PRKG1: variants seen among roughly 807,000 people sequenced by gnomAD.
The protein encoded by PRKG1 is protein kinase cGMP-dependent 1.
In PRKG1, 35 loss-of-function variants were observed where a neutral mutation model predicts 88.1. The ratio of observed to expected loss-of-function variants is 0.40; its 90% CI spans 0.30 to 0.53. PRKG1 has a LOEUF of 0.53. Among genes scored for constraint, PRKG1 ranks in the 20% least tolerant of loss-of-function variants. PRKG1 has a pLI of 0.59. For missense variants in PRKG1, 540 were observed against 839.8 expected (o/e 0.64, Z 4.41); for synonymous variants, 303 against 292.5 (o/e 1.04, Z -0.37).
At chr10:51,306,369 G>A (rs537061879) in intron 2 of PRKG1, among the ~76,000 whole-genome samples, 3 of 152,242 alleles carry the variant, frequency 2.0e-5, no homozygotes, top group African/African-American at 7.2e-5. Context: ...ACCTATTTGA[G>A]ATTGATATGC....
At chr10:52,225,727 C>T (rs1840372196) in intron 9 of PRKG1, among the ~76,000 whole-genome samples, 1 of 152,124 alleles carries the variant, frequency 6.6e-6, no homozygotes, top group South Asian at 2.1e-4. Context: ...ATCCCAGCAC[C>T]ATTTGTTGAA....
At chr10:51,366,589 T>A (rs1353304307) in intron 2 of PRKG1, among the ~76,000 whole-genome samples, 1 of 151,966 alleles carries the variant, frequency 6.6e-6, no homozygotes, top group Admixed American at 6.6e-5. Flanking sequence ...ATCTCTCTGT[T>A]AAGTTAACAT....
chr10:51,273,984 C>A (rs1206737145), intron 2 of PRKG1, among the ~76,000 whole-genome samples: 2 of 152,212 alleles, frequency 1.3e-5, no homozygotes, highest in African/African-American at 4.8e-5. Context: ...CTCCAAGCCT[C>A]CATGAGCTTT....
At chr10:51,426,495 A>G (rs1838589729) in intron 2 of PRKG1, among the ~76,000 whole-genome samples, 1 of 152,178 alleles carries the variant, frequency 6.6e-6, no homozygotes, top group African/African-American at 2.4e-5. Flanking sequence ...ATTATATACT[A>G]TGGTGATAGA....
chr10:51,126,211 TTATTTATA>T (rs1463073885), intron 1 of PRKG1, among the ~76,000 whole-genome samples: 2 of 123,130 alleles, frequency 1.6e-5, no homozygotes, highest in African/African-American at 6.5e-5. Context: ...TTATTTATAA[TTATTTATA>T]TATTTATATA....
intron 2 of PRKG1, among the ~76,000 whole-genome samples, chr10:51,274,354 G>A (rs1840060051): frequency 6.6e-6 from 1 of 152,140 alleles, no homozygotes; most frequent in South Asian, 2.1e-4. Flanking sequence ...TCCACTGAAA[G>A]TTGCAATTTG....
intron 5 of PRKG1, among the ~76,000 whole-genome samples, chr10:52,008,465 A>G (rs1317873163): frequency 1.3e-5 from 2 of 152,162 alleles, no homozygotes; most frequent in African/African-American, 4.8e-5. Context: ...TCACAGAAAT[A>G]CAGAAGAACC....
chr10:51,766,704 T>A (rs1363859859), intron 3 of PRKG1, among the ~76,000 whole-genome samples: 2 of 152,074 alleles, frequency 1.3e-5, no homozygotes, highest in Non-Finnish European at 2.9e-5. Flanking sequence ...GGCTTCACCT[T>A]CACAACCTCA....
At chr10:51,906,492 C>T (rs191185679) in intron 4 of PRKG1, among the ~76,000 whole-genome samples, 1 of 152,012 alleles carries the variant, frequency 6.6e-6, no homozygotes, top group East Asian at 1.9e-4. Context: ...TCTGGAAAGG[C>T]GAGAAACTCA....
intron 1 of PRKG1, among the ~76,000 whole-genome samples, chr10:51,135,492 C>T (rs1434426754): frequency 6.6e-6 from 1 of 151,980 alleles, no homozygotes; most frequent in Non-Finnish European, 1.5e-5. Context: ...GGCAAAAAAC[C>T]CAGAATATAA....
rs200565734 is a variant in PRKG1, at chr10:52,188,243, T to TATATATATACAC, written c.1076+26286_1076+26287insATACACATATAT. Among the ~76,000 whole-genome samples the TATATATATACAC allele has an allele frequency of 6.9e-3, 21 of 3,030 alleles. 1 individual carries two copies. The East Asian group carries it at 0.12, about 18-fold the overall frequency. 2.0% of individuals were successfully genotyped at this position (3,030 alleles called of 152,430 possible). ...ATATATACATATGTATATATATACA[T>TATATATATACAC]ATATATGTGTATATATATACATATG... On this transcript the variant is annotated intron_variant, in intron 9 of 17. Transcript: ENST00000373980.
At chr10:51,064,535 T>G (rs1253162191) in intron 1 of PRKG1, among the ~76,000 whole-genome samples, 1 of 152,050 alleles carries the variant, frequency 6.6e-6, no homozygotes, top group Admixed American at 6.5e-5. Flanking sequence ...CTTTAATAGA[T>G]AAGGATTTGT....
intron 1 of PRKG1, among the ~76,000 whole-genome samples, chr10:51,013,979 A>G (rs1314638484): frequency 6.6e-6 from 1 of 152,252 alleles, no homozygotes; most frequent in Admixed American, 6.5e-5. Context: ...ATATGCAGGA[A>G]AGAATACTGG....
intron 5 of PRKG1, among the ~76,000 whole-genome samples, chr10:51,986,204 A>G (rs1265054231): frequency 6.6e-6 from 1 of 152,208 alleles, no homozygotes; most frequent in African/African-American, 2.4e-5. Context: ...TTGAAAAAAA[A>G]TTAACGCTTG....
intron 1 of PRKG1, among the ~76,000 whole-genome samples, chr10:51,116,778 T>C (rs1845132466): frequency 6.6e-6 from 1 of 152,074 alleles, no homozygotes; most frequent in Admixed American, 6.6e-5. Context: ...TGGATCAAGA[T>C]GGTAAGATCT....
chr10:51,715,510 A>C (rs77658040), intron 3 of PRKG1, among the ~76,000 whole-genome samples: 1,688 of 152,240 alleles, frequency 0.011, 16 homozygotes, highest in Non-Finnish European at 0.016. Flanking sequence ...CATGATTACT[A>C]TGATTATATT....
intron 2 of PRKG1, among the ~76,000 whole-genome samples, chr10:51,196,177 C>G (rs932823781): frequency 2.0e-5 from 3 of 152,084 alleles, no homozygotes; most frequent in Non-Finnish European, 4.4e-5. Flanking sequence ...AGCATTATTG[C>G]CTTTGCAGGA....
chr10:51,215,615 G>A (rs1838352095), intron 2 of PRKG1, among the ~76,000 whole-genome samples: 1 of 152,108 alleles, frequency 6.6e-6, no homozygotes, highest in African/African-American at 2.4e-5. Context: ...CATGGTAAGA[G>A]GTGCTTTGGT....
chr10:51,777,568 C>T (rs4271341), intron 3 of PRKG1, among the ~76,000 whole-genome samples: 1 of 152,250 alleles, frequency 6.6e-6, no homozygotes, highest in East Asian at 1.9e-4. Context: ...TATCAAAATC[C>T]TGCCCCACTG....
Sources: gnomAD v4.1 joint callset for allele counts (sites outside exome capture counted in the v4.1 genomes callset) on GRCh38, gnomAD v4.1.1 for gene constraint, MANE v1.5 for transcripts, NCBI Gene and HGNC (gene_info 2026-07-23, HGNC 2026-07-21) for gene names.